Variants in GOPC observed in about 807,000 individuals in gnomAD.
The protein encoded by GOPC is Golgi-associated PDZ and coiled-coil motif-containing protein.
Under a neutral mutation model 51.2 loss-of-function variants are expected in GOPC, and 32 were observed. The ratio of observed to expected loss-of-function variants is 0.63; its 90% CI spans 0.47 to 0.84. The LOEUF (loss-of-function observed/expected upper bound fraction) is 0.84, where lower values mean the gene tolerates loss of function less well. GOPC is among the 40% of genes least tolerant of loss of function. The pLI is 0.00. For synonymous variants in GOPC, 190 were observed against 205.1 expected (o/e 0.93, Z 0.63); for missense variants, 441 against 555.5 (o/e 0.79, Z 2.07).
intron 1 of GOPC, among the ~76,000 whole-genome samples, chr6:117,583,351 C>T (rs1400871344): frequency 2.6e-5 from 4 of 152,194 alleles, no homozygotes; most frequent in Non-Finnish European, 4.4e-5. Flanking sequence ...GTTACAAATA[C>T]CTTCTCCCAT....
At chr6:117,574,494 AAGAC>A (rs944849756) in intron 4 of GOPC, among the ~76,000 whole-genome samples, 8 of 152,186 alleles carry the variant, frequency 5.3e-5, no homozygotes, top group Non-Finnish European at 1.0e-4. Context: ...AAGGGCAAGA[AAGAC>A]TGGGTTTCAG....
At chr6:117,565,381 A>G (rs1029498552) in intron 8 of GOPC, among the ~76,000 whole-genome samples, 1 of 152,198 alleles carries the variant, frequency 6.6e-6, no homozygotes, top group African/African-American at 2.4e-5. Flanking sequence ...TTGTTCTCTG[A>G]TATTATACAA....
At chr6:117,582,273 TACACACACAC>T (rs71012364) in intron 1 of GOPC, among the ~76,000 whole-genome samples, 7 of 119,216 alleles carry the variant, frequency 5.9e-5, no homozygotes, top group South Asian at 3.5e-4. Flanking sequence ...CCTCCCCCCC[TACACACACAC>T]ACACACACAC....
chr6:117,590,969 C>G, intron 1 of GOPC, among the ~76,000 whole-genome samples: 1 of 152,210 alleles, frequency 6.6e-6, no homozygotes, highest in Non-Finnish European at 1.5e-5. Context: ...TCTCCTGCCT[C>G]AGCCTCCCGA....
intron 1 of GOPC, among the ~76,000 whole-genome samples, chr6:117,595,227 T>C (rs889780928): frequency 1.3e-5 from 2 of 152,220 alleles, no homozygotes; most frequent in African/African-American, 4.8e-5. Flanking sequence ...GCATATGGTA[T>C]TTTATGGCTA....
At chr6:117,598,675 C>T (rs1359901063) in intron 1 of GOPC, among the ~76,000 whole-genome samples, 1 of 152,210 alleles carries the variant, frequency 6.6e-6, no homozygotes, top group African/African-American at 2.4e-5. Flanking sequence ...AGTGCCACCA[C>T]TGATTTGACA....
At chr6:117,577,605 T>G (rs897358780) in intron 2 of GOPC, 134 bp from the exon 3 acceptor site, 2 of 660,128 alleles carry the variant, frequency 3.0e-6, no homozygotes, top group African/African-American at 3.7e-5. Context: ...AACAAATATA[T>G]TTGCAATCTA....
At chr6:117,585,730 A>C (rs1780021204) in intron 1 of GOPC, among the ~76,000 whole-genome samples, 1 of 152,210 alleles carries the variant, frequency 6.6e-6, no homozygotes, top group African/African-American at 2.4e-5. Context: ...TAAACAGCAG[A>C]TTCTGAACCC....
At chr6:117,577,333 T>C in intron 3 of GOPC, 115 bp downstream of exon 3, 1 of 895,484 alleles carries the variant, frequency 1.1e-6, no homozygotes, top group Non-Finnish European at 1.7e-6. Context: ...ATTAAAAAAT[T>C]GCCATTATTA....
intron 2 of GOPC, 132 bp downstream of exon 2, chr6:117,578,768 T>C (rs1279480273): frequency 2.0e-6 from 1 of 496,374 alleles, no homozygotes; most frequent in Non-Finnish European, 3.3e-6. Flanking sequence ...GATCATAAAC[T>C]TTATATTTCT....
In GOPC at chr6:117,573,610, C is replaced by T. The variant is rs41311406; in HGVS notation, c.673G>A (p.Gly225Arg). Residue 225 changes from glycine to arginine, a missense_variant, in exon 5 of 9, where the codon GGA becomes AGA. Coordinates refer to ENST00000368498, the MANE Select transcript of GOPC (RefSeq NM_020399.4). Reference sequence around the variant, plus strand: ...TGAGCAGGTCCCTTCATATCTCGTCCTAGCAATTGTATCTGTTGGACCCTT... The same window carrying T: ...TGAGCAGGTCCCTTCATATCTCGTCTTAGCAATTGTATCTGTTGGACCCTT... ...AGRVQQIQLL[G>R]RDMKGPAHDK... 2.9e-5 allele frequency: 46 copies of T among 1,613,644 alleles called. No individual in the cohort carries two copies. Among genetic ancestry groups the T allele is most frequent in the Non-Finnish European group, 3.9e-5 (46 of 1,179,754 alleles).
chr6:117,601,852 C>T (rs1583068804), intron 1 of GOPC, 152 bp downstream of exon 1: 1 of 860,408 alleles, frequency 1.2e-6, no homozygotes, highest in East Asian at 2.7e-5. Flanking sequence ...GTCCCCCACC[C>T]TCACCTCACT....
At chr6:117,575,997 T>C (rs1445999587) in intron 3 of GOPC, among the ~76,000 whole-genome samples, 3 of 152,166 alleles carry the variant, frequency 2.0e-5, no homozygotes, top group Non-Finnish European at 4.4e-5. Flanking sequence ...TTATTCTGGA[T>C]ATTGAGAAGC....
chr6:117,579,771 G>C (rs1779931595), intron 1 of GOPC, among the ~76,000 whole-genome samples: 1 of 152,012 alleles, frequency 6.6e-6, no homozygotes, highest in South Asian at 2.1e-4. Context: ...ATCAAGACAT[G>C]CCTTTGTTTC....
intron 1 of GOPC, among the ~76,000 whole-genome samples, chr6:117,597,124 A>C (rs568691934): frequency 7.8e-4 from 118 of 152,208 alleles, no homozygotes; most frequent in Middle Eastern, 3.4e-3. Flanking sequence ...GTATATTCCA[A>C]AATATTTTAA....
intron 1 of GOPC, among the ~76,000 whole-genome samples, chr6:117,591,699 A>C (rs1442265695): frequency 6.6e-6 from 1 of 152,214 alleles, no homozygotes; most frequent in Non-Finnish European, 1.5e-5. Context: ...CTGCAAATAG[A>C]TCAGTTTTAT....
intron 8 of GOPC, among the ~76,000 whole-genome samples, chr6:117,563,703 C>T (rs914594947): frequency 1.4e-5 from 2 of 147,338 alleles, no homozygotes; most frequent in Non-Finnish European, 1.5e-5. Context: ...GCCTGGGTGA[C>T]AGAGTGAAAC....
chr6:117,597,548 G>A (rs933610764), intron 1 of GOPC, among the ~76,000 whole-genome samples: 1 of 152,152 alleles, frequency 6.6e-6, no homozygotes, highest in Non-Finnish European at 1.5e-5. Context: ...AGTGGCTCAT[G>A]ACAGCAAAAA....
At chr6:117,580,517 A>G (rs1445491077) in intron 1 of GOPC, among the ~76,000 whole-genome samples, 4 of 152,138 alleles carry the variant, frequency 2.6e-5, no homozygotes, top group African/African-American at 9.6e-5. Flanking sequence ...GCTGAATACA[A>G]TGAATGGCTT....
Sources: allele counts gnomAD v4.1 joint callset (sites outside exome capture counted in the v4.1 genomes callset), GRCh38; gene constraint gnomAD v4.1.1; transcripts MANE v1.5; gene names NCBI Gene and HGNC (gene_info 2026-07-23, HGNC 2026-07-21).